The following MCOLN3 variants were observed in gnomAD, a reference collection of about 807,000 sequenced individuals.
MCOLN3 encodes mucolipin TRP cation channel 3.
A neutral mutation model predicts 69.4 loss-of-function variants in MCOLN3; 62 were observed. The ratio of observed to expected loss-of-function variants is 0.89; its 90% CI spans 0.73 to 1.10. MCOLN3 has a LOEUF of 1.10. Ranked by LOEUF, MCOLN3 falls within the 50% of genes least tolerant of loss-of-function variation. MCOLN3 has a pLI of 0.00. For missense variants in MCOLN3, 564 were observed against 656.4 expected, an observed-to-expected ratio of 0.86 and a Z score of 1.54; for synonymous variants, 183 against 217.0, an observed-to-expected ratio of 0.84 and a Z score of 1.38.
intron 3 of MCOLN3, among the ~76,000 whole-genome samples, chr1:85,040,086 G>A (rs958609181): frequency 1.3e-5 from 2 of 152,056 alleles, no homozygotes; most frequent in Non-Finnish European, 2.9e-5. Context: ...TTCTAAAAAC[G>A]GAGTATCTCC....
chr1:85,031,709 T>A lies in MCOLN3; in HGVS notation c.732+987A>T, dbSNP rs1317503267. Among the ~76,000 whole-genome samples, 3 of 152,086 alleles carry A rather than the reference T, an allele frequency of 2.0e-5. No homozygotes were observed. The East Asian group carries it at 5.8e-4, about 29-fold the overall frequency. ...ACAGAATGAAGCACACTGGAAATGG[T>A]AGCTACATGGGCAAATAAAAAAATG... On this transcript the variant is annotated intron_variant, in intron 6 of 12. Transcript: ENST00000370589.
At chr1:85,039,884 G>C (rs1652977809) in intron 3 of MCOLN3, among the ~76,000 whole-genome samples, 1 of 151,618 alleles carries the variant, frequency 6.6e-6, no homozygotes, top group Non-Finnish European at 1.5e-5. Context: ...CCAGGAGGTT[G>C]AGTCTGCAGA....
intron 3 of MCOLN3, among the ~76,000 whole-genome samples, chr1:85,038,793 C>A (rs941286448): frequency 1.3e-5 from 2 of 152,046 alleles, no homozygotes; most frequent in African/African-American, 4.8e-5. Flanking sequence ...GAGTTCAAGA[C>A]CAGTCTGGCT....
chr1:85,028,807 A>G (rs1267416858), intron 7 of MCOLN3, among the ~76,000 whole-genome samples: 1 of 152,202 alleles, frequency 6.6e-6, no homozygotes, highest in African/African-American at 2.4e-5. Context: ...GGTACACAGC[A>G]TGCACTCGGT....
At chr1:85,031,707 G>A (rs1233049704) in intron 6 of MCOLN3, among the ~76,000 whole-genome samples, 1 of 152,068 alleles carries the variant, frequency 6.6e-6, no homozygotes, top group African/African-American at 2.4e-5. Context: ...CACTGGAAAT[G>A]GTAGCTACAT....
Position 85,034,178 on chromosome 1 carries a change from G to T in MCOLN3, c.470C>A (p.Ala157Glu), listed in dbSNP as rs1652688935. 2 of 1,614,146 alleles carry T rather than the reference G, an allele frequency of 1.2e-6. No homozygotes were observed. Among genetic ancestry groups the T allele is most frequent in the African/African-American group, 1.3e-5 (1 of 75,054 alleles). ...ENKGTKQSAM[A>E]ICQHFYKRGN... is the part of the protein sequence containing the mutation. ...TCGCTTGTAGAAGTGCTGACAGATT[G>T]CCATAGCAGATTGCTTGGTACCTTT... Residue 157 changes from alanine to glutamate, a missense_variant, in exon 4 of 13, where the codon GCA (alanine) becomes GAA (glutamate). Ala to Glu is a moderately radical substitution (Grantham distance 107, BLOSUM62 -1). Transcript: ENST00000370589.
At chr1:85,043,272 G>A (rs1423043567) in intron 2 of MCOLN3, among the ~76,000 whole-genome samples, 1 of 152,178 alleles carries the variant, frequency 6.6e-6, no homozygotes, top group African/African-American at 2.4e-5. Context: ...GCTCACGCCT[G>A]TAATCCCAGC....
At chr1:85,043,414 C>T (rs1182803523) in intron 2 of MCOLN3, among the ~76,000 whole-genome samples, 1 of 151,914 alleles carries the variant, frequency 6.6e-6, no homozygotes, top group Non-Finnish European at 1.5e-5. Flanking sequence ...CCTGTAATCC[C>T]AGCTACTGAG....
intron 6 of MCOLN3, 102 bp downstream of exon 6, chr1:85,032,594 C>A: frequency 1.2e-6 from 1 of 863,138 alleles, no homozygotes; most frequent in African/African-American, 1.7e-5. Context: ...GTGAAAACAT[C>A]CTATATTTTT....
chr1:85,027,462 AAG>A (rs1281463048), intron 7 of MCOLN3, among the ~76,000 whole-genome samples: 2 of 152,160 alleles, frequency 1.3e-5, no homozygotes, highest in Non-Finnish European at 2.9e-5. Context: ...TAGTCAGTGA[AAG>A]AGCTGGGGGA....
At chr1:85,047,265 G>C (rs1653400138) in intron 1 of MCOLN3, 1 of 152,272 alleles carries the variant, frequency 6.6e-6, no homozygotes, top group South Asian at 2.1e-4. Context: ...ACATCACAAC[G>C]AGTTGTCCCG....
Position 85,033,025 on chromosome 1 carries a change from T to C in MCOLN3, c.551-69A>G, listed in dbSNP as rs567551908. ...GACTGCATTTTGAAAGGCTGATACA[T>C]TTAAGACCAGTTATTCAGATTCTAT... On this transcript the variant is annotated intron_variant, in intron 4 of 12. Coordinates refer to ENST00000370589, the MANE Select transcript of MCOLN3 (RefSeq NM_018298.11). 1.5e-5 allele frequency: 18 copies of C among 1,238,110 alleles called. No homozygotes were observed. The East Asian group carries it at 3.5e-4, about 24-fold the overall frequency. 76.7% of individuals were successfully genotyped at this position (1,238,110 alleles called of 1,614,324 possible).
chr1:85,028,183 T>G (rs1652316240), intron 7 of MCOLN3, among the ~76,000 whole-genome samples: 1 of 152,206 alleles, frequency 6.6e-6, no homozygotes, highest in African/African-American at 2.4e-5. Context: ...CCTCATATAT[T>G]TGAAGTTACC....
chr1:85,029,579 G>C (rs1282240513), intron 6 of MCOLN3: 2 of 160,248 alleles, frequency 1.2e-5, no homozygotes, highest in African/African-American at 4.8e-5. Context: ...CAGGACCTCA[G>C]TTAGGGGTAG....
At chr1:85,040,504 T>A (rs1239074881) in intron 3 of MCOLN3, among the ~76,000 whole-genome samples, 1 of 152,186 alleles carries the variant, frequency 6.6e-6, no homozygotes, top group East Asian at 1.9e-4. Context: ...TTCATCTATA[T>A]GAAAAACAAG....
At chr1:85,034,850 T>G (rs898835053) in intron 3 of MCOLN3, among the ~76,000 whole-genome samples, 1 of 152,238 alleles carries the variant, frequency 6.6e-6, no homozygotes, top group Admixed American at 6.5e-5. Context: ...AAATTCTTAA[T>G]GGATGTCTGC....
intron 6 of MCOLN3, among the ~76,000 whole-genome samples, chr1:85,030,181 T>C (rs1202420165): frequency 2.6e-5 from 4 of 152,222 alleles, no homozygotes; most frequent in Admixed American, 1.3e-4. Flanking sequence ...CAGTGTTACT[T>C]GATTGAGTCA....
chr1:85,040,990 A>G lies in MCOLN3; in HGVS notation c.396+20T>C. The G allele has an allele frequency of 6.2e-7, 1 of 1,610,136 alleles. No individual in the cohort carries two copies. The highest frequency in any genetic ancestry group is 8.5e-7 in the Non-Finnish European group (1 of 1,178,870). Reference sequence around the variant, plus strand: ...AGTCTGTTCTTTTTCCCAAGTAAATAATGCACACACTTGATTTACCTGGTT... The same window carrying G: ...AGTCTGTTCTTTTTCCCAAGTAAATGATGCACACACTTGATTTACCTGGTT... On this transcript the variant is annotated intron_variant, in intron 3 of 12. Transcript: ENST00000370589.
Position 85,032,741 on chromosome 1 carries a change from T to C in MCOLN3, c.687A>G (p.Thr229=). 1 of 1,614,062 alleles carries C rather than the reference T, an allele frequency of 6.2e-7. No homozygotes were observed. The highest frequency in any genetic ancestry group is 1.6e-4 in the Middle Eastern group (1 of 6,062). ...AGTCAGGGAGTTCTTGATGACGAAC[T>C]GTCTGCAGATTAATGGCTTTCAGTT... ...QFKLKAINLQ[T]VRHQELPDCY... is the part of the protein sequence containing the mutation. The change falls in exon 6 of 13, where the codon ACA becomes ACG. Residue 229 remains threonine, a synonymous_variant. Coordinates refer to ENST00000370589, the MANE Select transcript of MCOLN3 (RefSeq NM_018298.11).
Sources: gnomAD v4.1 joint callset for allele counts (sites outside exome capture counted in the v4.1 genomes callset) on GRCh38, gnomAD v4.1.1 for gene constraint, MANE v1.5 for transcripts, NCBI Gene and HGNC (gene_info 2026-07-23, HGNC 2026-07-21) for gene names.